The following COL17A1 variants were observed in gnomAD, a reference collection of about 807,000 sequenced individuals.
The protein encoded by COL17A1 is collagen alpha-1(XVII) chain.
Under a neutral mutation model 218.4 loss-of-function variants are expected in COL17A1, and 181 were observed. The observed-to-expected ratio is 0.83, with a 90% CI of 0.73 to 0.94. The LOEUF (loss-of-function observed/expected upper bound fraction) is 0.94, where lower values mean the gene tolerates loss of function less well. Among genes scored for constraint, COL17A1 ranks in the 40% least tolerant of loss-of-function variants. The pLI is 0.00. For missense variants in COL17A1, 1,924 were observed against 1,945.9 expected, an observed-to-expected ratio of 0.99 and a Z score of 0.21; for synonymous variants, 721 against 731.0, an observed-to-expected ratio of 0.99 and a Z score of 0.22.
At chr10:104,046,562 T>C (rs528560089) in intron 32 of COL17A1, among the ~76,000 whole-genome samples, 185 bp downstream of exon 32, 3 of 152,172 alleles carry the variant, frequency 2.0e-5, no homozygotes, top group Non-Finnish European at 2.9e-5. Flanking sequence ...CGAATGGTGT[T>C]CTAGATTGTT....
intron 47 of COL17A1, 140 bp downstream of exon 47, chr10:104,036,902 CAGT>C: frequency 1.2e-6 from 1 of 856,348 alleles, no homozygotes; most frequent in Non-Finnish European, 1.9e-6. Context: ...CAGATCAGAG[CAGT>C]AAGTGGCTCT....
Position 104,034,784 on chromosome 10 carries a change from GAA to G in COL17A1, c.3620-19_3620-18del. On this transcript the variant is annotated intron_variant, in intron 50 of 55. Coordinates refer to ENST00000648076, the MANE Select transcript of COL17A1 (RefSeq NM_000494.4). Reference sequence around the variant, plus strand: ...AGCCGGCAGCTGGGCAGAAGGAAGAGAAAGAAAGGTCGGGGTAGTGCTGCGGA... The same window carrying G: ...AGCCGGCAGCTGGGCAGAAGGAAGAGAGAAAGGTCGGGGTAGTGCTGCGGA... 6.2e-7 allele frequency: 1 copy of G among 1,610,670 alleles called. No homozygotes were observed. The highest frequency in any genetic ancestry group is 2.2e-5 in the East Asian group (1 of 44,770).
Position 104,041,503 on chromosome 10 carries a change from CGGGTGG to C in COL17A1, c.2581_2586del (p.Pro861_Pro862del). On this transcript the variant is annotated inframe_deletion, in exon 37 of 56. Transcript: ENST00000648076. ...TACTCACCTGGTGGCCCGCGTGGGC[CGGGTGG>C]GCCTGGGGGACCTTGTAAATTAAGA... is the stretch of plus-strand genomic sequence containing the variant. The C allele has an allele frequency of 1.2e-6, 2 of 1,613,564 alleles. No homozygotes were observed. Among genetic ancestry groups the C allele is most frequent in the Non-Finnish European group, 8.5e-7 (1 of 1,179,514 alleles).
chr10:104,059,319 T>A (rs2086560475), intron 15 of COL17A1: 1 of 400,162 alleles, frequency 2.5e-6, no homozygotes. Flanking sequence ...ACAACTGCTT[T>A]GCAAAGCATT....
In COL17A1 at chr10:104,036,557, C is replaced by A; in HGVS notation, c.3353G>T (p.Gly1118Val). Reference protein sequence around the residue: ...RGPPGPPGASGDGSLLSLDYA... With the variant: ...RGPPGPPGASVDGSLLSLDYA... The stretch of plus-strand genomic sequence containing the variant: ...GTCCAAAGACAGGAGGGACCCATCT[C>A]CACTGGCTCCTGGTGGCCCTGGCGG... The change falls in exon 48 of 56, where the codon GGA (glycine) becomes GTA (valine). Residue 1118 changes from glycine (G) to valine (V), a missense_variant. Gly to Val is a moderately radical substitution (Grantham distance 109). Coordinates refer to ENST00000648076, the MANE Select transcript of COL17A1 (RefSeq NM_000494.4). 6.2e-7 allele frequency: 1 copy of A among 1,614,032 alleles called. No homozygotes were observed. The highest frequency in any genetic ancestry group is 1.3e-5 in the African/African-American group (1 of 75,008).
rs143941414 is a variant in COL17A1 at position 104,061,426 on chromosome 10, T to C, written c.958A>G (p.Thr320Ala). ...TCACCGGCGGAGGTGGAAACGCCAG[T>C]GTTCACAGCCGCAGGACTCTGGGGC... ...NMPQSPAAVN[T>A]GVSTSAACTT... The change falls in exon 13 of 56, where the codon ACT becomes GCT. Residue 320 changes from threonine to alanine, a missense_variant. Thr to Ala is a moderately conservative substitution (Grantham distance 58). Coordinates refer to ENST00000648076, the MANE Select transcript of COL17A1 (RefSeq NM_000494.4). 5.0e-5 allele frequency: 81 copies of C among 1,613,498 alleles called. No homozygotes were observed. The African/African-American group carries it at 1.0e-3, about 20-fold the overall frequency.
Position 104,054,962 on chromosome 10 carries a change from A to T in COL17A1, c.1744+19T>A, listed in dbSNP as rs2086505665. 1 of 1,614,164 alleles carries T rather than the reference A, an allele frequency of 6.2e-7. No homozygotes were observed. ...ACACTTGCTAATATTTAAGGTAAAA[A>T]TGCCCATGTTATAATTACCTTTAGG... On this transcript the variant is annotated intron_variant, in intron 20 of 55. Transcript: ENST00000648076.
In COL17A1 at chr10:104,034,741, G is replaced by A; in HGVS notation, c.3646C>T (p.Pro1216Ser). Residue 1216 changes from proline (P) to serine (S), a missense_variant, in exon 51 of 56, where the codon CCT becomes TCT. Physicochemically the swap from Pro to Ser is moderately conservative, Grantham distance 74. Transcript: ENST00000648076. The part of the protein sequence containing the change: ...HTAGLSFIPG[P>S]PGPPGPPGPR... Reference sequence around the variant, plus strand: ...CCTGGGGGACCAGGAGGTCCTGGAGGGCCTGGGATGAATGACAAGCCGGCA... The same window carrying A: ...CCTGGGGGACCAGGAGGTCCTGGAGAGCCTGGGATGAATGACAAGCCGGCA... 2 of 1,612,570 alleles carry A rather than the reference G, an allele frequency of 1.2e-6. No homozygotes were observed. Among genetic ancestry groups the A allele is most frequent in the Non-Finnish European group, 8.5e-7 (1 of 1,179,624 alleles).
chr10:104,046,962 C>T (rs1411619083), intron 31 of COL17A1, among the ~76,000 whole-genome samples, 189 bp from the exon 32 acceptor site: 1 of 152,228 alleles, frequency 6.6e-6, no homozygotes, highest in Non-Finnish European at 1.5e-5. Flanking sequence ...GTTCTTCGGG[C>T]TTTGCAGTGA....
rs2086431361 is a variant in COL17A1, at chr10:104,048,113, G to T, written c.2228-9C>A. On this transcript the variant is annotated splice_polypyrimidine_tract_variant and intron_variant, in intron 29 of 55. Coordinates refer to ENST00000648076, the MANE Select transcript of COL17A1 (RefSeq NM_000494.4). ...GTCTGGGCCAGCAGGACCTGGTAAA[G>T]TAGAAGCAAGGTCTCTCAGTTGCTC... The T allele has an allele frequency of 1.2e-6, 2 of 1,614,156 alleles. No homozygotes were observed. Among genetic ancestry groups the T allele is most frequent in the Non-Finnish European group, 1.7e-6 (2 of 1,180,010 alleles).
chr10:104,080,487 A>T, intron 2 of COL17A1, 135 bp downstream of exon 2: 1 of 1,008,192 alleles, frequency 9.9e-7, no homozygotes, highest in Non-Finnish European at 1.5e-6. Flanking sequence ...GAGAAGGATT[A>T]AAGTCCATTT....
At chr10:104,047,275 A>G (rs533678230) in intron 31 of COL17A1, among the ~76,000 whole-genome samples, 1 of 151,692 alleles carries the variant, frequency 6.6e-6, no homozygotes, top group Admixed American at 6.6e-5. Context: ...AGACTCTAAC[A>G]ATGGCTTCCT....
At chr10:104,084,301 GT>G (rs970575372) in intron 1 of COL17A1, among the ~76,000 whole-genome samples, 16 of 151,430 alleles carry the variant, frequency 1.1e-4, no homozygotes, top group African/African-American at 1.9e-4. Flanking sequence ...AATCTAAGGA[GT>G]TTTTTTCCTA....
intron 18 of COL17A1, 34 bp downstream of exon 18, chr10:104,055,748 G>A (rs772686730): frequency 1.2e-6 from 2 of 1,612,162 alleles, no homozygotes; most frequent in Non-Finnish European, 8.5e-7. Context: ...AAGGGACTCA[G>A]GGGAGCTGGC....
intron 17 of COL17A1, 98 bp from the exon 18 acceptor site, chr10:104,056,101 C>G: frequency 7.1e-7 from 1 of 1,414,532 alleles, no homozygotes; most frequent in Non-Finnish European, 1.0e-6. Context: ...GGATTGGGGC[C>G]TGTGGTGGCT....
intron 50 of COL17A1, 112 bp from the exon 51 acceptor site, chr10:104,034,879 G>A (rs1270120086): frequency 3.0e-6 from 4 of 1,340,576 alleles, no homozygotes; most frequent in East Asian, 2.4e-5. Context: ...GATGAGGCTG[G>A]GCCTCCCGGG....
At chr10:104,054,186 C>G (rs1211815605) in intron 20 of COL17A1, 68 bp from the exon 21 acceptor site, 2 of 1,536,074 alleles carry the variant, frequency 1.3e-6, no homozygotes, top group African/African-American at 2.7e-5. Context: ...AAAGCAGTCA[C>G]TAGTGGGATT....
intron 1 of COL17A1, among the ~76,000 whole-genome samples, chr10:104,083,473 G>T (rs145367733): frequency 6.6e-6 from 1 of 152,292 alleles, no homozygotes; most frequent in South Asian, 2.1e-4. Flanking sequence ...AGTTCTAAAG[G>T]GTTGCTTTGT....
chr10:104,033,705 G>GTGT (rs565186813), intron 52 of COL17A1, among the ~76,000 whole-genome samples: 10 of 152,294 alleles, frequency 6.6e-5, no homozygotes, highest in Middle Eastern at 6.8e-3. Context: ...AACGAGCTAG[G>GTGT]TGTTGGGAAA....
Sources: allele counts gnomAD v4.1 joint callset (sites outside exome capture counted in the v4.1 genomes callset), GRCh38; gene constraint gnomAD v4.1.1; transcripts MANE v1.5; gene names NCBI Gene and HGNC (gene_info 2026-07-23, HGNC 2026-07-21).